The following ARHGAP21 variants were observed in gnomAD, a reference collection of about 807,000 sequenced individuals.
The protein encoded by ARHGAP21 is rho GTPase-activating protein 21.
Under a neutral mutation model 164.6 loss-of-function variants are expected in ARHGAP21, and 38 were observed. That is an observed-to-expected ratio of 0.23 (90% confidence interval 0.18 to 0.30). The LOEUF (loss-of-function observed/expected upper bound fraction) is 0.30, where lower values mean the gene tolerates loss of function less well. Among genes scored for constraint, ARHGAP21 ranks in the 10% least tolerant of loss-of-function variants. The pLI, the probability that ARHGAP21 is intolerant of heterozygous loss-of-function variation, is 1.00. For missense variants in ARHGAP21, 1,822 were observed against 2,370.7 expected, an observed-to-expected ratio of 0.77 and a Z score of 4.81; for synonymous variants, 766 against 857.9, an observed-to-expected ratio of 0.89 and a Z score of 1.87.
chr10:24,670,438 A>G (rs1205127738), intron 2 of ARHGAP21, 41 bp from the exon 3 acceptor site: 2 of 1,354,266 alleles, frequency 1.5e-6, no homozygotes, highest in Non-Finnish European at 2.0e-6. Flanking sequence ...ACATAACACA[A>G]TATACTTCCT....
At chr10:24,610,388 A>G (rs1022432778) in intron 9 of ARHGAP21, among the ~76,000 whole-genome samples, 2 of 151,816 alleles carry the variant, frequency 1.3e-5, no homozygotes, top group Middle Eastern at 3.2e-3. Context: ...AAAAAAAAAA[A>G]AGTCTTCATT....
chr10:24,651,177 G>A (rs1005422651), intron 4 of ARHGAP21, among the ~76,000 whole-genome samples: 3 of 152,134 alleles, frequency 2.0e-5, no homozygotes, highest in Non-Finnish European at 4.4e-5. Context: ...CCCAGCTGCC[G>A]CCCTTTGGAT....
chr10:24,591,479 A>C (rs1168761600), intron 23 of ARHGAP21, 149 bp from the exon 24 acceptor site: 1 of 1,112,106 alleles, frequency 9.0e-7, no homozygotes, highest in Non-Finnish European at 1.3e-6. Context: ...CTGCAAAATA[A>C]GCACCGTACT....
chr10:24,613,469 T>C (rs2077351058), intron 9 of ARHGAP21, among the ~76,000 whole-genome samples: 1 of 152,242 alleles, frequency 6.6e-6, no homozygotes, highest in African/African-American at 2.4e-5. Context: ...GTTTCTTTAA[T>C]GGTCAGTTCT....
At chr10:24,611,440 A>G (rs2077257937) in intron 9 of ARHGAP21, among the ~76,000 whole-genome samples, 1 of 152,212 alleles carries the variant, frequency 6.6e-6, no homozygotes, top group Non-Finnish European at 1.5e-5. Flanking sequence ...GCGGTGGCTC[A>G]TGCCTGTAAT....
At chr10:24,602,287 T>G (rs2076845694) in intron 12 of ARHGAP21, among the ~76,000 whole-genome samples, 184 bp from the exon 13 acceptor site, 1 of 152,220 alleles carries the variant, frequency 6.6e-6, no homozygotes, top group South Asian at 2.1e-4. Flanking sequence ...TATCATTTTT[T>G]AACCATTAAA....
chr10:24,606,932 G>A (rs759546224), intron 11 of ARHGAP21, among the ~76,000 whole-genome samples: 13 of 152,110 alleles, frequency 8.5e-5, no homozygotes, highest in South Asian at 2.1e-4. Context: ...TGTGCTAACC[G>A]AACTCTGTAC....
intron 24 of ARHGAP21, chr10:24,589,866 T>C (rs2130745963): frequency 6.4e-6 from 1 of 156,124 alleles, no homozygotes; most frequent in East Asian, 1.9e-4. Context: ...ATAATGTTTA[T>C]CTTTGTGCTT....
chr10:24,671,111 C>CA (rs888708207), intron 2 of ARHGAP21, among the ~76,000 whole-genome samples: 13 of 152,084 alleles, frequency 8.5e-5, no homozygotes, highest in Non-Finnish European at 1.9e-4. Flanking sequence ...TGTCCCTCAT[C>CA]ACCCCATGTT....
intron 2 of ARHGAP21, among the ~76,000 whole-genome samples, chr10:24,712,980 T>TA (rs57968335): frequency 0.043 from 6,191 of 144,624 alleles, 379 homozygotes; most frequent in African/African-American, 0.14. Flanking sequence ...ACCTCAAGGT[T>TA]AAAAAAAAAA....
rs567394150 is a variant in ARHGAP21 at position 24,593,857 on chromosome 10, G to A, written c.3876+1093C>T. Among the ~76,000 whole-genome samples, 42 of 152,062 alleles carry A rather than the reference G, an allele frequency of 2.8e-4. No individual in the cohort carries two copies. In the South Asian group the frequency reaches 8.5e-3, roughly 31 times the overall value. Reference sequence around the variant, plus strand: ...GTATGAATTTCTGGCAACAGTCTAGGCTTTCACTTCCTTTCTCTCTTTTTT... The same window carrying A: ...GTATGAATTTCTGGCAACAGTCTAGACTTTCACTTCCTTTCTCTCTTTTTT... On this transcript the variant is annotated intron_variant, in intron 21 of 25. Transcript: ENST00000396432.
At chr10:24,655,626 C>T (rs1359026814) in intron 4 of ARHGAP21, among the ~76,000 whole-genome samples, 21 of 150,384 alleles carry the variant, frequency 1.4e-4, no homozygotes, top group East Asian at 3.9e-4. Flanking sequence ...AGCCTCTGCC[C>T]GGCCGCCACC....
chr10:24,670,182 G>T (rs753853769), intron 3 of ARHGAP21, 36 bp downstream of exon 3: 4 of 1,430,592 alleles, frequency 2.8e-6, no homozygotes, highest in South Asian at 1.5e-5. Context: ...TGGCCTTGTG[G>T]TTTTTTTTTC....
At chr10:24,707,844 T>C (rs562336858) in intron 2 of ARHGAP21, among the ~76,000 whole-genome samples, 5 of 152,296 alleles carry the variant, frequency 3.3e-5, no homozygotes, top group Admixed American at 2.6e-4. Flanking sequence ...GGGCATCTAG[T>C]TGGTCTCCCA....
intron 9 of ARHGAP21, among the ~76,000 whole-genome samples, chr10:24,614,168 A>G (rs995907705): frequency 1.3e-5 from 2 of 152,206 alleles, no homozygotes; most frequent in African/African-American, 4.8e-5. Context: ...AATGTGGATG[A>G]CTGAGTAGGG....
chr10:24,620,415 G>C lies in ARHGAP21; in HGVS notation c.1480C>G (p.Arg494Gly), dbSNP rs751405078. Residue 494 changes from arginine (R) to glycine (G), a missense_variant, in exon 9 of 26, where the codon CGT becomes GGT. Coordinates refer to ENST00000396432, the MANE Select transcript of ARHGAP21 (RefSeq NM_020824.4). The part of the protein sequence containing the change: ...PSVSFSNHRT[R>G]SWDYIEGQDE... ...TGTCCCTCAATATAATCCCATGAAC[G>C]AGTTCTATGATTACTAAAACTAACA... 7.4e-6 allele frequency: 12 copies of C among 1,611,012 alleles called. No homozygotes were observed. The highest frequency in any genetic ancestry group is 5.4e-5 in the African/African-American group (4 of 74,648).
intron 24 of ARHGAP21, 82 bp from the exon 25 acceptor site, chr10:24,589,384 C>G: frequency 7.8e-7 from 1 of 1,289,998 alleles, no homozygotes; most frequent in African/African-American, 1.5e-5. Context: ...TATGGAAAGA[C>G]AGGCACAGAA....
Position 24,723,790 on chromosome 10 carries a change from G to A in ARHGAP21, c.-609C>T, listed in dbSNP as rs955716134. 2.0e-5 allele frequency: 3 copies of A among 147,688 alleles called. No homozygotes were observed. Among genetic ancestry groups the A allele is most frequent in the African/African-American group, 7.3e-5 (3 of 40,972 alleles). 9.1% of individuals were successfully genotyped at this position (147,688 alleles called of 1,614,324 possible). A position where few individuals can be genotyped will look rare whatever the true frequency, so the allele number is the denominator to read the frequency against. On this transcript the variant is annotated 5_prime_UTR_variant, in exon 1 of 26. Transcript: ENST00000396432. The stretch of plus-strand genomic sequence containing the variant: ...CCCGGGCTCTCGGCCGCCGCAGGAG[G>A]GCGTGGGGCGGGGCGGCGGCCGCCG...
At chr10:24,719,131 C>CACACACA (rs1593399371) in intron 2 of ARHGAP21, among the ~76,000 whole-genome samples, 1 of 111,708 alleles carries the variant, frequency 9.0e-6, no homozygotes, top group African/African-American at 4.0e-5. Flanking sequence ...ACACACACAC[C>CACACACA]CCAAAAATCA....
Sources: allele counts gnomAD v4.1 joint callset (sites outside exome capture counted in the v4.1 genomes callset), GRCh38; gene constraint gnomAD v4.1.1; transcripts MANE v1.5; gene names NCBI Gene and HGNC (gene_info 2026-07-23, HGNC 2026-07-21).